The following PARD3 variants were observed in gnomAD, a reference collection of about 807,000 sequenced individuals.
PARD3 encodes par-3 family cell polarity regulator.
PARD3 carries 75 observed loss-of-function variants against 155.4 expected under a neutral mutation model. That is an observed-to-expected ratio of 0.48 (90% CI 0.40 to 0.58). The LOEUF is 0.58. Ranked by LOEUF, PARD3 falls within the 20% of genes least tolerant of loss-of-function variation. PARD3 has a pLI of 0.00. For missense variants in PARD3, 1,642 were observed against 1,721.7 expected, an observed-to-expected ratio of 0.95 and a Z score of 0.82; for synonymous variants, 576 against 610.5, an observed-to-expected ratio of 0.94 and a Z score of 0.83.
At chr10:34,299,310 A>G (rs1957047514) in intron 20 of PARD3, among the ~76,000 whole-genome samples, 1 of 152,128 alleles carries the variant, frequency 6.6e-6, no homozygotes, top group South Asian at 2.1e-4. Flanking sequence ...GAAAACAACA[A>G]TCCATGAGTC....
intron 21 of PARD3, among the ~76,000 whole-genome samples, chr10:34,274,260 C>T (rs1234151851): frequency 6.6e-6 from 1 of 152,156 alleles, no homozygotes; most frequent in African/African-American, 2.4e-5. Flanking sequence ...TTCTACTAGA[C>T]AGTTTTTAAA....
chr10:34,692,034 C>A lies in PARD3; in HGVS notation c.222+4284G>T, dbSNP rs1344524494. Reference sequence around the variant, plus strand: ...ATTGCCTGAGGTCAGGAGTTCGAGACCAGCATGGCCAACATGGTGAAATCC... The same window carrying A: ...ATTGCCTGAGGTCAGGAGTTCGAGAACAGCATGGCCAACATGGTGAAATCC... On this transcript the variant is annotated intron_variant, in intron 2 of 24. Coordinates refer to ENST00000374788, the MANE Select transcript of PARD3 (RefSeq NM_001184785.2). Among the ~76,000 whole-genome samples the A allele has an allele frequency of 2.0e-5, 3 of 152,130 alleles. No homozygotes were observed. The East Asian group carries it at 5.8e-4, about 29-fold the overall frequency.
chr10:34,109,814 A>T lies in PARD3; in HGVS notation c.*1355T>A, dbSNP rs1946319546. ...CAACACAAAAATACAATGTGCCAAT[A>T]AAAAAAAAATAGACATATCCATACA... On this transcript the variant is annotated 3_prime_UTR_variant, in exon 25 of 25. Coordinates refer to ENST00000374788, the MANE Select transcript of PARD3 (RefSeq NM_001184785.2). The T allele has an allele frequency of 6.8e-6, 1 of 146,496 alleles. No homozygotes were observed. Among genetic ancestry groups the T allele is most frequent in the African/African-American group, 2.5e-5 (1 of 40,492 alleles). 9.1% of individuals were successfully genotyped at this position (146,496 alleles called of 1,614,324 possible).
At chr10:34,702,345 C>T (rs112963678) in intron 1 of PARD3, among the ~76,000 whole-genome samples, 8 of 151,666 alleles carry the variant, frequency 5.3e-5, no homozygotes, top group African/African-American at 1.9e-4. Context: ...ACAGTAAGAC[C>T]GTGTCTCAGA....
At chr10:34,172,381 C>A (rs1163418952) in intron 22 of PARD3, among the ~76,000 whole-genome samples, 1 of 152,180 alleles carries the variant, frequency 6.6e-6, no homozygotes, top group African/African-American at 2.4e-5. Flanking sequence ...GAGAAAATTA[C>A]ATCTGTAGAG....
At chr10:34,714,775 ATTT>A (rs35679032) in intron 1 of PARD3, among the ~76,000 whole-genome samples, 4 of 144,344 alleles carry the variant, frequency 2.8e-5, no homozygotes, top group African/African-American at 5.1e-5. Context: ...ACACATCAAA[ATTT>A]TTTTTTTTTT....
chr10:34,467,421 T>G (rs1196773529), intron 4 of PARD3, among the ~76,000 whole-genome samples: 1 of 151,788 alleles, frequency 6.6e-6, no homozygotes, highest in Non-Finnish European at 1.5e-5. Context: ...TTCTATAAGT[T>G]CGCCAAATTT....
At chr10:34,143,165 T>C (rs1005973291) in intron 22 of PARD3, among the ~76,000 whole-genome samples, 4 of 151,818 alleles carry the variant, frequency 2.6e-5, no homozygotes, top group African/African-American at 7.3e-5. Flanking sequence ...ACTAAAAATA[T>C]ACAAATTAGC....
At chr10:34,801,084 T>C (rs1418946736) in intron 1 of PARD3, among the ~76,000 whole-genome samples, 1 of 152,222 alleles carries the variant, frequency 6.6e-6, no homozygotes, top group Non-Finnish European at 1.5e-5. Flanking sequence ...GGAAAGTTTT[T>C]GAAAGCACCA....
Position 34,377,955 on chromosome 10 carries a change from G to T in PARD3, c.1539+12C>A. On this transcript the variant is annotated intron_variant, in intron 10 of 24. Coordinates refer to ENST00000374788, the MANE Select transcript of PARD3 (RefSeq NM_001184785.2). ...AAGAATCAGGGAACATCCTGCTGGGGAAGTCACTTACCTCTATAAGTCTGT... is the reference window on the plus strand; with the variant it reads ...AAGAATCAGGGAACATCCTGCTGGGTAAGTCACTTACCTCTATAAGTCTGT... 1 of 1,511,384 alleles carries T rather than the reference G, an allele frequency of 6.6e-7. No homozygotes were observed. The highest frequency in any genetic ancestry group is 8.8e-7 in the Non-Finnish European group (1 of 1,137,128). 93.6% of individuals were successfully genotyped at this position (1,511,384 alleles called of 1,614,324 possible).
intron 5 of PARD3, among the ~76,000 whole-genome samples, chr10:34,437,772 A>C (rs1243686426): frequency 6.6e-6 from 1 of 152,222 alleles, no homozygotes; most frequent in Non-Finnish European, 1.5e-5. Context: ...TTGCTTATAA[A>C]TTATTCAATA....
intron 1 of PARD3, among the ~76,000 whole-genome samples, chr10:34,717,889 C>T (rs2094543858): frequency 6.6e-6 from 1 of 152,186 alleles, no homozygotes; most frequent in Non-Finnish European, 1.5e-5. Flanking sequence ...CGTGGTGGCT[C>T]ACGCCTGTAA....
At chr10:34,676,206 C>A (rs1011332181) in intron 2 of PARD3, among the ~76,000 whole-genome samples, 1 of 152,172 alleles carries the variant, frequency 6.6e-6, no homozygotes, top group Non-Finnish European at 1.5e-5. Context: ...CAAAGAAGCG[C>A]ACACAAAACA....
At chr10:34,649,594 T>C (rs560960393) in intron 2 of PARD3, among the ~76,000 whole-genome samples, 3 of 152,236 alleles carry the variant, frequency 2.0e-5, no homozygotes, top group Non-Finnish European at 4.4e-5. Context: ...GGACTGGAAG[T>C]TGCCCTGGGT....
chr10:34,484,608 CCTAGGATCTCATAATATACAACA>C (rs2079317025), intron 3 of PARD3, among the ~76,000 whole-genome samples: 1 of 152,058 alleles, frequency 6.6e-6, no homozygotes, highest in Non-Finnish European at 1.5e-5. Flanking sequence ...GCCCCATGTC[CCTAGGATCTCATAATATACAACA>C]TAGACCTGGT....
In PARD3 at chr10:34,189,450, G is replaced by T. The variant is rs866869529; in HGVS notation, c.3420-57867C>A. On this transcript the variant is annotated intron_variant, in intron 22 of 24. Transcript: ENST00000374788. ...AGGGGGCAAAACAGCTGGCAACTTG[G>T]CACAGATCAAGGCAGCCAGTGTCAC... Among the ~76,000 whole-genome samples, 26 of 152,178 alleles carry T rather than the reference G, an allele frequency of 1.7e-4. 1 individual carries two copies. Among genetic ancestry groups the T allele is most frequent in the African/African-American group, 5.8e-4 (24 of 41,426 alleles).
intron 5 of PARD3, among the ~76,000 whole-genome samples, chr10:34,448,549 TG>T (rs2076882224): frequency 6.6e-6 from 1 of 152,132 alleles, no homozygotes; most frequent in African/African-American, 2.4e-5. Flanking sequence ...CCTATAACCA[TG>T]ACACTTTGGG....
Position 34,375,006 on chromosome 10 carries a change from A to G in PARD3, c.1540-4T>C. The stretch of plus-strand genomic sequence containing the variant: ...CCACTAAATCTACTCCATTTACCTA[A>G]AACAAAACAAAAGTTTTCAGCTGTA... On this transcript the variant is annotated splice_region_variant and splice_polypyrimidine_tract_variant and intron_variant, in intron 10 of 24. Transcript: ENST00000374788. 1 of 1,612,720 alleles carries G rather than the reference A, an allele frequency of 6.2e-7. No homozygotes were observed. Among genetic ancestry groups the G allele is most frequent in the African/African-American group, 1.3e-5 (1 of 74,754 alleles).
chr10:34,692,942 T>C (rs1473028621), intron 2 of PARD3, among the ~76,000 whole-genome samples: 1 of 152,138 alleles, frequency 6.6e-6, no homozygotes, highest in Non-Finnish European at 1.5e-5. Context: ...CCAATAAGCT[T>C]ATGAAAAAAT....
Sources: allele counts gnomAD v4.1 joint callset (sites outside exome capture counted in the v4.1 genomes callset), GRCh38; gene constraint gnomAD v4.1.1; transcripts MANE v1.5; gene names NCBI Gene and HGNC (gene_info 2026-07-23, HGNC 2026-07-21).